CHRNA3: variants seen among roughly 807,000 people sequenced by gnomAD.
The protein encoded by CHRNA3 is neuronal acetylcholine receptor subunit alpha-3.
A neutral mutation model predicts 41.9 loss-of-function variants in CHRNA3; 34 were observed. That is an observed-to-expected ratio of 0.81 (90% confidence interval 0.62 to 1.08). CHRNA3 has a LOEUF of 1.08. Ranked by LOEUF, CHRNA3 falls within the 50% of genes least tolerant of loss-of-function variation. The pLI is 0.00. For missense variants in CHRNA3, 542 were observed against 638.3 expected (o/e 0.85, Z 1.63); for synonymous variants, 281 against 265.2 (o/e 1.06, Z -0.58).
chr15:78,614,678 T>G (rs2053435899), intron 4 of CHRNA3, among the ~76,000 whole-genome samples: 1 of 152,190 alleles, frequency 6.6e-6, no homozygotes, highest in South Asian at 2.1e-4. Context: ...ATAGACTAAT[T>G]CTACATCAAC....
At chr15:78,593,337 G>T, downstream of CHRNA3, 2 of 1,356,816 alleles carry the variant, frequency 1.5e-6, no homozygotes, top group Non-Finnish European at 9.8e-7. Flanking sequence ...TGTAAGTTAT[G>T]TGTTAAATTT....
In CHRNA3 at chr15:78,601,473, C is replaced by G. The variant is rs147763776; in HGVS notation, c.1169G>C (p.Gly390Ala). ...CTGGCAGGGGTAGCCCTCCTTGCAG[C>G]CTTTGGACTCTGCGCGGCTGAAGCA... ...LNCFSRAESK[G>A]CKEGYPCQDG... The change falls in exon 5 of 6, where the codon GGC becomes GCC. Residue 390 changes from glycine to alanine, a missense_variant. Transcript: ENST00000326828. The G allele has an allele frequency of 2.5e-5, 40 of 1,614,108 alleles. No homozygotes were observed. The African/African-American group carries it at 4.8e-4, about 19-fold the overall frequency.
chr15:78,607,300 C>A (rs572971022), intron 4 of CHRNA3: 1 of 151,920 alleles, frequency 6.6e-6, no homozygotes, highest in African/African-American at 2.4e-5. Flanking sequence ...TAAAAGTATT[C>A]TCTAAAAAGG....
rs201693091 is a variant in CHRNA3, at chr15:78,601,898, G to A, written c.744C>T (p.Leu248=). The A allele has an allele frequency of 1.1e-5, 17 of 1,613,954 alleles. No individual in the cohort carries two copies. Among genetic ancestry groups the A allele is most frequent in the Non-Finnish European group, 1.4e-5 (16 of 1,179,990 alleles). Residue 248 remains leucine (L), a synonymous_variant, in exon 5 of 6, where the codon CTC becomes CTT. Coordinates refer to ENST00000326828, the MANE Select transcript of CHRNA3 (RefSeq NM_000743.5). Reference sequence around the variant, plus strand: ...AGGAGATGAGCAGGCAGGGGATGATGAGGTTGATGGTGTAGAACAAGGGCA... The same window carrying A: ...AGGAGATGAGCAGGCAGGGGATGATAAGGTTGATGGTGTAGAACAAGGGCA... ...RRLPLFYTIN[L]IIPCLLISFL...
In CHRNA3 at chr15:78,596,652, C is replaced by T. The variant is rs762458163; in HGVS notation, c.1470G>A (p.Gly490=). The change falls in exon 6 of 6, where the codon GGG becomes GGA. Residue 490 remains glycine, a synonymous_variant. Coordinates refer to ENST00000326828, the MANE Select transcript of CHRNA3 (RefSeq NM_000743.5). The part of the protein sequence containing the change: ...LWVFTLVCIL[G]TAGLFLQPLM... ...GGGGTTGCAGAAACAATCCTGCTGT[C>T]CCTAGAATGCACACCAGGGTGAAAA... 1.8e-5 allele frequency: 29 copies of T among 1,612,662 alleles called. No individual in the cohort carries two copies. The highest frequency in any genetic ancestry group is 2.4e-5 in the Non-Finnish European group (28 of 1,179,816).
chr15:78,598,927 G>A (rs1047945956), intron 5 of CHRNA3, among the ~76,000 whole-genome samples: 3 of 148,870 alleles, frequency 2.0e-5, no homozygotes, highest in Non-Finnish European at 4.4e-5. Context: ...TCTGTCTCCC[G>A]AGTTCAAGCA....
Position 78,601,859 on chromosome 15 carries a change from G to A in CHRNA3, c.783C>T (p.Leu261=), listed in dbSNP as rs146400389. ...PCLLISFLTV[L]VFYLPSDCGE... is the part of the protein sequence containing the mutation. ...CGCAGTCGGAGGGCAGGTAGAAGAC[G>A]AGCACAGTGAGGAAGGAGATGAGCA... The change falls in exon 5 of 6, where the codon CTC becomes CTT. Residue 261 remains leucine, a synonymous_variant. Transcript: ENST00000326828. 1.3e-4 allele frequency: 208 copies of A among 1,614,098 alleles called. No homozygotes were observed. The highest frequency in any genetic ancestry group is 1.7e-4 in the African/African-American group (13 of 75,022).
chr15:78,601,987 TGTC>T lies in CHRNA3; in HGVS notation c.652_654del (p.Asp218del). 4 of 1,609,666 alleles carry T rather than the reference TGTC, an allele frequency of 2.5e-6. No individual in the cohort carries two copies. The highest frequency in any genetic ancestry group is 3.4e-6 in the Non-Finnish European group (4 of 1,178,296). The stretch of plus-strand genomic sequence containing the variant: ...ATCTCCTCGCAGCAGTTGTACTTGA[TGTC>T]GTGTTTGTAGCCTGGGGCTTTGATG... On this transcript the variant is annotated inframe_deletion, in exon 5 of 6. Coordinates refer to ENST00000326828, the MANE Select transcript of CHRNA3 (RefSeq NM_000743.5).
Position 78,618,576 on chromosome 15 carries a change from C to T in CHRNA3, c.267+41G>A, listed in dbSNP as rs751307408. 8 of 1,612,448 alleles carry T rather than the reference C, an allele frequency of 5.0e-6. No individual in the cohort carries two copies. The African/African-American group carries it at 8.0e-5, about 16-fold the overall frequency. On this transcript the variant is annotated intron_variant, in intron 3 of 5. Coordinates refer to ENST00000326828, the MANE Select transcript of CHRNA3 (RefSeq NM_000743.5). ...GTTCACCTAAAGCAAATAAAACAGT[C>T]ACCACCAGGGGGCAGCAGTGCCTAG...
intron 3 of CHRNA3, 112 bp downstream of exon 3, chr15:78,618,505 T>G: frequency 8.0e-7 from 1 of 1,251,718 alleles, no homozygotes; most frequent in Non-Finnish European, 1.2e-6. Flanking sequence ...GACCCCAATC[T>G]GGGTTCCACA....
downstream of CHRNA3, chr15:78,595,191 T>G (rs1441434682): frequency 1.5e-6 from 1 of 672,490 alleles, no homozygotes; most frequent in Non-Finnish European, 1.8e-6. Context: ...CTACCTACCT[T>G]AGTTCGTATA....
At position 78,620,810 on chromosome 15, in the gene CHRNA3, T is replaced by A; in HGVS notation, c.-16A>T. ...CAGAGCCCATGGCTGGTGGCCGGGC[T>A]GGCCGCGGACCCGGACGGTCGGGAG... On this transcript the variant is annotated 5_prime_UTR_variant, in exon 1 of 6. Coordinates refer to ENST00000326828, the MANE Select transcript of CHRNA3 (RefSeq NM_000743.5). The A allele has an allele frequency of 7.1e-7, 1 of 1,408,882 alleles. No homozygotes were observed. 87.3% of individuals were successfully genotyped at this position (1,408,882 alleles called of 1,614,324 possible).
intron 5 of CHRNA3, among the ~76,000 whole-genome samples, chr15:78,598,561 A>AT (rs2053148467): frequency 6.6e-6 from 1 of 151,776 alleles, no homozygotes; most frequent in Non-Finnish European, 1.5e-5. Context: ...CACTTGGGCA[A>AT]TTTTTTGTTT....
intron 1 of CHRNA3, chr15:78,619,862 A>G (rs4352017): frequency 1.3e-5 from 2 of 151,522 alleles, no homozygotes; most frequent in East Asian, 3.9e-4. Context: ...CCTGCTCCCC[A>G]CTCTCCTTCC....
At chr15:78,600,033 A>C (rs982822692) in intron 5 of CHRNA3, 2 of 142,464 alleles carry the variant, frequency 1.4e-5, no homozygotes, top group African/African-American at 2.6e-5. Flanking sequence ...AAAAAAAAAT[A>C]GGTAAAACTA....
chr15:78,597,773 G>T (rs1263488387), intron 5 of CHRNA3, among the ~76,000 whole-genome samples: 1 of 152,154 alleles, frequency 6.6e-6, no homozygotes, highest in East Asian at 1.9e-4. Flanking sequence ...TAATTGAATT[G>T]AGAGAACCCA....
intron 5 of CHRNA3, among the ~76,000 whole-genome samples, chr15:78,597,441 A>G (rs970995191): frequency 1.0e-4 from 6 of 57,710 alleles, no homozygotes; most frequent in Non-Finnish European, 2.6e-4. Context: ...AAAAACAACA[A>G]AATAAATTTC....
intron 4 of CHRNA3, among the ~76,000 whole-genome samples, chr15:78,604,368 C>T (rs1321131310): frequency 6.6e-6 from 1 of 152,312 alleles, no homozygotes; most frequent in Non-Finnish European, 1.5e-5. Flanking sequence ...ATGACTTGCT[C>T]GAGACTCCAC....
At chr15:78,607,260 G>C (rs1596077296) in intron 4 of CHRNA3, among the ~76,000 whole-genome samples, 1 of 151,546 alleles carries the variant, frequency 6.6e-6, no homozygotes, top group Admixed American at 6.6e-5. Flanking sequence ...ATAAAGAGGA[G>C]CCAAGAATTT....
Sources: allele counts gnomAD v4.1 joint callset (sites outside exome capture counted in the v4.1 genomes callset), GRCh38; gene constraint gnomAD v4.1.1; transcripts MANE v1.5; gene names NCBI Gene and HGNC (gene_info 2026-07-23, HGNC 2026-07-21).